The following SH3RF3 variants were observed in gnomAD, a reference collection of about 807,000 sequenced individuals.
SH3RF3 encodes the protein SH3 domain containing ring finger 3, also known as E3 ubiquitin-protein ligase SH3RF3.
Under a neutral mutation model 66.3 loss-of-function variants are expected in SH3RF3, and 29 were observed. The observed-to-expected ratio is 0.44, with a 90% CI of 0.33 to 0.60. The LOEUF (loss-of-function observed/expected upper bound fraction) is 0.60, where lower values mean the gene tolerates loss of function less well. SH3RF3 is among the 20% of genes least tolerant of loss of function. The pLI is 0.04. For synonymous variants in SH3RF3, 583 were observed against 532.0 expected, an observed-to-expected ratio of 1.10 and a Z score of -1.32; for missense variants, 1,194 against 1,190.9, an observed-to-expected ratio of 1.00 and a Z score of -0.04.
intron 1 of SH3RF3, among the ~76,000 whole-genome samples, chr2:109,334,182 C>T (rs1322043682): frequency 1.3e-5 from 2 of 151,984 alleles, no homozygotes; most frequent in Non-Finnish European, 2.9e-5. Context: ...ATGGTGAGAC[C>T]CCGTCCCTAC....
chr2:109,275,930 A>G (rs1299434328), intron 1 of SH3RF3, among the ~76,000 whole-genome samples: 2 of 152,190 alleles, frequency 1.3e-5, no homozygotes, highest in African/African-American at 2.4e-5. Context: ...TTATTTGGCT[A>G]TGACCATGGA....
chr2:109,385,607 A>G (rs1295671087), intron 3 of SH3RF3, among the ~76,000 whole-genome samples: 5 of 152,254 alleles, frequency 3.3e-5, no homozygotes, highest in Non-Finnish European at 7.3e-5. Flanking sequence ...CTTTTGGGAA[A>G]GGGACAACCA....
intron 1 of SH3RF3, among the ~76,000 whole-genome samples, chr2:109,277,377 A>T (rs1416464338): frequency 6.6e-6 from 1 of 151,910 alleles, no homozygotes; most frequent in Non-Finnish European, 1.5e-5. Flanking sequence ...TCTTTATGTG[A>T]CCCCGGCCTC....
At chr2:109,268,660 T>A (rs1439669040) in intron 1 of SH3RF3, among the ~76,000 whole-genome samples, 2 of 152,200 alleles carry the variant, frequency 1.3e-5, no homozygotes, top group African/African-American at 4.8e-5. Context: ...GAATCTTTAC[T>A]TTGAGTTCCT....
chr2:109,293,834 C>T (rs760528921), intron 1 of SH3RF3, among the ~76,000 whole-genome samples: 195 of 152,318 alleles, frequency 1.3e-3, no homozygotes, highest in Admixed American at 2.0e-3. Context: ...TGCTGGGAGC[C>T]GCAGCCCAGG....
intron 6 of SH3RF3, among the ~76,000 whole-genome samples, chr2:109,434,897 T>G (rs1050792377): frequency 2.0e-5 from 3 of 152,200 alleles, no homozygotes; most frequent in Non-Finnish European, 4.4e-5. Flanking sequence ...AAATGTCTCC[T>G]CAAGAACTGT....
intron 7 of SH3RF3, among the ~76,000 whole-genome samples, chr2:109,441,182 G>T (rs1034800048): frequency 6.7e-6 from 1 of 148,502 alleles, no homozygotes; most frequent in Admixed American, 6.6e-5. Context: ...CACAATGTCT[G>T]ATGTCCAATA....
intron 7 of SH3RF3, among the ~76,000 whole-genome samples, chr2:109,446,211 G>T (rs1173667873): frequency 6.6e-6 from 1 of 152,152 alleles, no homozygotes. Context: ...GCTTTCTCAC[G>T]CTACAGTTTT....
At position 109,196,937 on chromosome 2, in the gene SH3RF3, T is replaced by G. The variant is rs1232521249; in HGVS notation, c.573+66824T>G. On this transcript the variant is annotated intron_variant, in intron 1 of 9. Transcript: ENST00000309415. ...ACTACTTGCTGAGTAGTGCGAAGGCTTCCCCTACACAGTGCGCCCCTGTGC... is the reference window on the plus strand; with the variant it reads ...ACTACTTGCTGAGTAGTGCGAAGGCGTCCCCTACACAGTGCGCCCCTGTGC... Among the ~76,000 whole-genome samples, 4 of 152,196 alleles carry G rather than the reference T, an allele frequency of 2.6e-5. No homozygotes were observed. The East Asian group carries it at 7.7e-4, about 29-fold the overall frequency.
At chr2:109,161,102 A>G (rs565498823) in intron 1 of SH3RF3, among the ~76,000 whole-genome samples, 32 of 152,200 alleles carry the variant, frequency 2.1e-4, no homozygotes, top group Non-Finnish European at 3.7e-4. Context: ...CATTTAGAAG[A>G]GAAGCCGTTT....
chr2:109,289,038 C>G (rs755893952), intron 1 of SH3RF3, among the ~76,000 whole-genome samples: 20 of 152,168 alleles, frequency 1.3e-4, no homozygotes, highest in Non-Finnish European at 2.5e-4. Flanking sequence ...CACTAACATT[C>G]GTTTGTCAAC....
chr2:109,176,251 A>C (rs1677909841), intron 1 of SH3RF3, among the ~76,000 whole-genome samples: 1 of 152,242 alleles, frequency 6.6e-6, no homozygotes, highest in Non-Finnish European at 1.5e-5. Flanking sequence ...GCAATTGTAG[A>C]GTTTAATAAA....
intron 3 of SH3RF3, among the ~76,000 whole-genome samples, chr2:109,388,186 A>T (rs1290141021): frequency 6.6e-6 from 1 of 152,086 alleles, no homozygotes; most frequent in Non-Finnish European, 1.5e-5. Flanking sequence ...ATACTTTGTC[A>T]CTTTCTATGG....
intron 2 of SH3RF3, among the ~76,000 whole-genome samples, chr2:109,360,413 C>CT: frequency 6.6e-6 from 1 of 152,226 alleles, no homozygotes; most frequent in South Asian, 2.1e-4. Flanking sequence ...TGTACACAAA[C>CT]TTTGTTTCAT....
At chr2:109,345,797 G>T (rs1481789802) in intron 1 of SH3RF3, among the ~76,000 whole-genome samples, 14 of 152,172 alleles carry the variant, frequency 9.2e-5, no homozygotes, top group Admixed American at 9.2e-4. Flanking sequence ...GCTGGGCCAG[G>T]GTTTCTTAAC....
chr2:109,395,098 A>G (rs934010121), intron 3 of SH3RF3, among the ~76,000 whole-genome samples: 4 of 152,202 alleles, frequency 2.6e-5, no homozygotes, highest in African/African-American at 9.6e-5. Flanking sequence ...CCCCAGATGG[A>G]GAGTTTTGCC....
rs570389624 is a variant in SH3RF3, at chr2:109,188,461, A to G, written c.573+58348A>G. Among the ~76,000 whole-genome samples, 5 of 152,238 alleles carry G rather than the reference A, an allele frequency of 3.3e-5. No homozygotes were observed. In the East Asian group the frequency reaches 9.7e-4, roughly 30 times the overall value. On this transcript the variant is annotated intron_variant, in intron 1 of 9. Coordinates refer to ENST00000309415, the MANE Select transcript of SH3RF3 (RefSeq NM_001099289.3). ...CAACAGGTGTGGATGAAGCATGCGC[A>G]TTGTTTCCCCCTGGGGTTTGTGTTG...
At chr2:109,480,230 G>A (rs1222950709) in intron 8 of SH3RF3, among the ~76,000 whole-genome samples, 1 of 152,234 alleles carries the variant, frequency 6.6e-6, no homozygotes, top group African/African-American at 2.4e-5. Flanking sequence ...CTGTAGCCTT[G>A]TTGATGACCA....
Position 109,129,451 on chromosome 2 carries a change from C to G in SH3RF3, c.-90C>G, listed in dbSNP as rs764672759. The G allele has an allele frequency of 1.3e-4, 190 of 1,493,438 alleles. No homozygotes were observed. Among genetic ancestry groups the G allele is most frequent in the Non-Finnish European group, 1.6e-4 (185 of 1,125,474 alleles). The allele number at this position is 1,493,438 out of a possible 1,614,324, so 92.5% of individuals were successfully genotyped here. A position where few individuals can be genotyped will look rare whatever the true frequency, so the allele number is the denominator to read the frequency against. ...AAGAAAGTCACGGCGGAGCCCGGCT[C>G]CCCAGTCCTGATGCTGGCTGCCGGT... On this transcript the variant is annotated 5_prime_UTR_variant, in exon 1 of 10. Coordinates refer to ENST00000309415, the MANE Select transcript of SH3RF3 (RefSeq NM_001099289.3).
Sources: allele counts gnomAD v4.1 joint callset (sites outside exome capture counted in the v4.1 genomes callset), GRCh38; gene constraint gnomAD v4.1.1; transcripts MANE v1.5; gene names NCBI Gene and HGNC (gene_info 2026-07-23, HGNC 2026-07-21).